Variants in KIAA0319 observed in about 807,000 individuals in gnomAD.
KIAA0319 encodes the protein KIAA0319, also known as dyslexia-associated protein KIAA0319.
KIAA0319 carries 83 observed loss-of-function variants against 108.4 expected under a neutral mutation model. That is an observed-to-expected ratio of 0.77 (90% confidence interval 0.64 to 0.92). The LOEUF is 0.92. Ranked by LOEUF, KIAA0319 falls within the 40% of genes least tolerant of loss-of-function variation. KIAA0319 has a pLI of 0.00. For synonymous variants in KIAA0319, 484 were observed against 510.4 expected (o/e 0.95, Z 0.70); for missense variants, 1,195 against 1,322.4 (o/e 0.90, Z 1.49).
intron 1 of KIAA0319, among the ~76,000 whole-genome samples, chr6:24,609,311 C>T (rs932978029): frequency 3.4e-5 from 5 of 149,214 alleles, no homozygotes; most frequent in African/African-American, 9.9e-5. Flanking sequence ...AAAGAAAGTC[C>T]GGGCGCAGTG....
At position 24,568,855 on chromosome 6, in the gene KIAA0319, T is replaced by G; in HGVS notation, c.2066A>C (p.Tyr689Ser). The G allele has an allele frequency of 6.2e-7, 1 of 1,614,110 alleles. No individual in the cohort carries two copies. The highest frequency in any genetic ancestry group is 8.5e-7 in the Non-Finnish European group (1 of 1,179,948). ...ATVTGLQVGT[Y>S]HFRLTVKDQQ... is the part of the protein sequence containing the mutation. ...GTCTTTCACTGTCAAACGGAAGTGG[T>G]AGGTCCCCACCTGGAGACCAGTCAC... is the stretch of plus-strand genomic sequence containing the variant. The change falls in exon 13 of 21, where the codon TAC becomes TCC. Residue 689 changes from tyrosine to serine, a missense_variant. By Grantham distance (144) the Tyr-to-Ser change is moderately radical. Coordinates refer to ENST00000378214, the MANE Select transcript of KIAA0319 (RefSeq NM_014809.4).
At chr6:24,574,865 C>T (rs572562016) in intron 10 of KIAA0319, among the ~76,000 whole-genome samples, 1 of 152,304 alleles carries the variant, frequency 6.6e-6, no homozygotes, top group East Asian at 1.9e-4. Context: ...AAAAGTTCAA[C>T]AGGGAAAGTA....
At chr6:24,547,766 A>C (rs1561899228) in intron 20 of KIAA0319, among the ~76,000 whole-genome samples, 2 of 152,232 alleles carry the variant, frequency 1.3e-5, no homozygotes, top group Non-Finnish European at 2.9e-5. Flanking sequence ...TTTGGTTAAA[A>C]TATTTTTGGT....
At chr6:24,636,593 T>G (rs1424070469) in intron 1 of KIAA0319, among the ~76,000 whole-genome samples, 1 of 152,128 alleles carries the variant, frequency 6.6e-6, no homozygotes, top group South Asian at 2.1e-4. Flanking sequence ...AGTAGAAGAA[T>G]AGTAAAATCA....
At chr6:24,570,353 A>C (rs982633767) in intron 11 of KIAA0319, among the ~76,000 whole-genome samples, 36 of 152,064 alleles carry the variant, frequency 2.4e-4, no homozygotes, top group African/African-American at 8.0e-4. Context: ...CTTTGGGAGA[A>C]CGAGGCGGGC....
intron 2 of KIAA0319, among the ~76,000 whole-genome samples, chr6:24,597,711 AT>A (rs1769874337): frequency 6.6e-6 from 1 of 152,012 alleles, no homozygotes; most frequent in African/African-American, 2.4e-5. Flanking sequence ...TTACTTGATG[AT>A]TCTTGACAAG....
intron 10 of KIAA0319, among the ~76,000 whole-genome samples, chr6:24,575,516 T>C (rs765649118): frequency 6.1e-5 from 9 of 148,596 alleles, no homozygotes; most frequent in Non-Finnish European, 1.2e-4. Context: ...ACCAAGAGGG[T>C]TCTCCAAGGA....
downstream of KIAA0319, among the ~76,000 whole-genome samples, chr6:24,542,377 T>C (rs1486267450): frequency 1.3e-5 from 2 of 152,220 alleles, no homozygotes. Flanking sequence ...AATATGAACT[T>C]GAAAGAGCCA....
intron 1 of KIAA0319, among the ~76,000 whole-genome samples, chr6:24,618,397 C>G (rs113576802): frequency 2.3e-4 from 35 of 152,104 alleles, no homozygotes; most frequent in African/African-American, 8.2e-4. Flanking sequence ...CTGCTTGAGC[C>G]CAGGAGTTTG....
intron 9 of KIAA0319, among the ~76,000 whole-genome samples, chr6:24,577,812 A>G (rs1438761488): frequency 6.6e-6 from 1 of 152,172 alleles, no homozygotes; most frequent in East Asian, 1.9e-4. Context: ...AAATTTCTTC[A>G]TGGGTTAGCA....
Position 24,599,248 on chromosome 6 carries a change from AC to A in KIAA0319, c.55+1800del. ...GCACTGGCTGGGAAGCACAGGGATG[AC>A]CTGTGTTATACAAAGATGGAGATCT... On this transcript the variant is annotated intron_variant, in intron 2 of 20. Transcript: ENST00000378214. This position sits in a 1 kb window ranked among gnomAD's most constrained non-coding sequence, Gnocchi z 4.1. The A allele has an allele frequency of 2.0e-6, 1 of 502,364 alleles. No homozygotes were observed. The highest frequency in any genetic ancestry group is 1.9e-5 in the African/African-American group (1 of 51,626). The allele number at this position is 502,364 out of a possible 1,614,324, so 31.1% of individuals were successfully genotyped here.
intron 17 of KIAA0319, among the ~76,000 whole-genome samples, chr6:24,557,192 A>G (rs977943463): frequency 7.0e-6 from 1 of 142,658 alleles, no homozygotes; most frequent in African/African-American, 2.8e-5. Flanking sequence ...TGACAGAGCA[A>G]GACTTTGTCT....
intron 9 of KIAA0319, among the ~76,000 whole-genome samples, 198 bp from the exon 10 acceptor site, chr6:24,576,794 G>A (rs9467235): frequency 1.0e-3 from 158 of 151,832 alleles, no homozygotes; most frequent in Middle Eastern, 0.01. Context: ...GTGTGGTCAT[G>A]CACACCTGTA....
At chr6:24,564,424 C>G in intron 14 of KIAA0319, 84 bp from the exon 15 acceptor site, 1 of 1,557,182 alleles carries the variant, frequency 6.4e-7, no homozygotes, top group Non-Finnish European at 8.8e-7. Flanking sequence ...ACCTCAGTGT[C>G]CCATCTTTTT....
intron 3 of KIAA0319, among the ~76,000 whole-genome samples, chr6:24,592,130 A>G (rs929802761): frequency 4.6e-5 from 7 of 152,124 alleles, no homozygotes; most frequent in African/African-American, 1.4e-4. Context: ...ATTTATGCTG[A>G]GTTTTCTTCC....
At chr6:24,564,683 G>C (rs936261083) in intron 14 of KIAA0319, among the ~76,000 whole-genome samples, 1 of 152,098 alleles carries the variant, frequency 6.6e-6, no homozygotes. Flanking sequence ...AGGTTTTCTG[G>C]GTCTTATTTT....
intron 2 of KIAA0319, among the ~76,000 whole-genome samples, chr6:24,600,462 GC>G (rs887060828): frequency 6.6e-6 from 1 of 152,060 alleles, no homozygotes; most frequent in Non-Finnish European, 1.5e-5. Flanking sequence ...AGATCCCAGA[GC>G]CACATCCCTA....
At chr6:24,564,041 G>T (rs1763493346) in intron 15 of KIAA0319, among the ~76,000 whole-genome samples, 161 bp downstream of exon 15, 1 of 152,110 alleles carries the variant, frequency 6.6e-6, no homozygotes. Flanking sequence ...TCTATCTGGG[G>T]ATACACAACA....
intron 3 of KIAA0319, among the ~76,000 whole-genome samples, chr6:24,594,606 G>A (rs1476026234): frequency 4.9e-5 from 7 of 143,930 alleles, no homozygotes; most frequent in African/African-American, 1.5e-4. Context: ...CAGCCTGGGC[G>A]ACAGAGCAAG....
Sources: gnomAD v4.1 joint callset for allele counts (sites outside exome capture counted in the v4.1 genomes callset) on GRCh38, gnomAD v4.1.1 for gene constraint, Gnocchi (gnomAD v3.1) non-coding constraint, MANE v1.5 for transcripts, NCBI Gene and HGNC (gene_info 2026-07-23, HGNC 2026-07-21) for gene names.